NAA11: variants seen among roughly 807,000 people sequenced by gnomAD.
The protein encoded by NAA11 is N-alpha-acetyltransferase 11, NatA catalytic subunit.
Under a neutral mutation model 16.1 loss-of-function variants are expected in NAA11, and 15 were observed. The observed-to-expected ratio is 0.93, with a 90% CI of 0.62 to 1.44. The LOEUF (loss-of-function observed/expected upper bound fraction) is 1.44. Ranked by LOEUF, NAA11 falls within the 40% of genes most tolerant of loss-of-function variation. NAA11 has a pLI of 0.00. For synonymous variants in NAA11, 122 were observed against 112.4 expected, an observed-to-expected ratio of 1.09 and a Z score of -0.54; for missense variants, 298 against 291.3, an observed-to-expected ratio of 1.02 and a Z score of -0.17.
At chr4:79,193,104 A>C in the NAA11 span, among the ~76,000 whole-genome samples, 19 of 151,496 alleles carry the variant, frequency 1.3e-4, no homozygotes, top group Non-Finnish European at 1.5e-4. Flanking sequence ...GTTTGAGTTC[A>C]TTGTAGATTC....
intron 2 of NAA11, among the ~76,000 whole-genome samples, chr4:79,229,611 G>A (rs1401093938): frequency 6.6e-6 from 1 of 151,802 alleles, no homozygotes; most frequent in Admixed American, 6.6e-5. Flanking sequence ...CAGCTTTGAG[G>A]GTTTCAGTGA....
intron 2 of NAA11, among the ~76,000 whole-genome samples, chr4:79,285,311 G>A (rs1241129476): frequency 6.6e-6 from 1 of 152,028 alleles, no homozygotes; most frequent in Non-Finnish European, 1.5e-5. Context: ...TTAAAACTAT[G>A]CAGTGTTTTT....
the NAA11 span, among the ~76,000 whole-genome samples, chr4:79,193,559 G>A: frequency 3.3e-5 from 5 of 152,012 alleles, no homozygotes; most frequent in African/African-American, 1.2e-4. Context: ...TATTTCTGAG[G>A]GCTCTGTTCT....
At chr4:79,312,100 C>T (rs766064597), downstream of NAA11, among the ~76,000 whole-genome samples, 2 of 152,190 alleles carry the variant, frequency 1.3e-5, no homozygotes, top group Admixed American at 6.5e-5. Context: ...GATGCAAAAA[C>T]GTCTTGATTG....
At chr4:79,190,468 TAA>T in the NAA11 span, among the ~76,000 whole-genome samples, 20,134 of 149,978 alleles carry the variant, frequency 0.13, 1,602 homozygotes, top group African/African-American at 0.19. Flanking sequence ...TTTTTTTTTT[TAA>T]AAAAAGCACA....
At chr4:79,175,630 C>G in the NAA11 span, among the ~76,000 whole-genome samples, 1 of 151,636 alleles carries the variant, frequency 6.6e-6, no homozygotes, top group East Asian at 1.9e-4. Flanking sequence ...AGTTTTCAGC[C>G]ATTATCATTT....
the NAA11 span, among the ~76,000 whole-genome samples, chr4:79,205,548 C>G: frequency 2.6e-5 from 4 of 151,742 alleles, no homozygotes; most frequent in African/African-American, 9.7e-5. Context: ...ATATTTTGTC[C>G]CAGTCTGTAA....
intron 2 of NAA11, among the ~76,000 whole-genome samples, chr4:79,293,206 A>G (rs929225944): frequency 5.9e-5 from 9 of 152,186 alleles, no homozygotes; most frequent in African/African-American, 2.2e-4. Flanking sequence ...ACAGGAAAGA[A>G]AAACTTTGGT....
intron 2 of NAA11, among the ~76,000 whole-genome samples, chr4:79,279,151 A>G (rs149243899): frequency 6.6e-6 from 1 of 152,242 alleles, no homozygotes; most frequent in East Asian, 1.9e-4. Context: ...AGCAGTAGGT[A>G]CCCAATAAAT....
the NAA11 span, among the ~76,000 whole-genome samples, chr4:79,205,002 C>G: frequency 1.3e-5 from 2 of 149,602 alleles, no homozygotes; most frequent in African/African-American, 4.9e-5. Flanking sequence ...AAAGAAATTG[C>G]ATATATATGA....
chr4:79,187,938 GC>G, the NAA11 span, among the ~76,000 whole-genome samples: 42 of 134,294 alleles, frequency 3.1e-4, no homozygotes, highest in African/African-American at 1.1e-3. Context: ...GGCGGAGCTT[GC>G]AGTGAGCCGA....
chr4:79,269,708 T>G (rs1323221545), intron 2 of NAA11, among the ~76,000 whole-genome samples: 23 of 143,224 alleles, frequency 1.6e-4, no homozygotes, highest in African/African-American at 4.5e-4. Flanking sequence ...TTAGTTTAAT[T>G]AGATCCCATT....
the NAA11 span, among the ~76,000 whole-genome samples, chr4:79,214,477 A>G: frequency 1.3e-5 from 2 of 152,128 alleles, no homozygotes; most frequent in Non-Finnish European, 2.9e-5. Flanking sequence ...GATTAATGCC[A>G]TTAGTGTGGG....
At chr4:79,157,391 T>G in the NAA11 span, among the ~76,000 whole-genome samples, 1 of 152,108 alleles carries the variant, frequency 6.6e-6, no homozygotes, top group South Asian at 2.1e-4. Context: ...CTTGGAATAT[T>G]AGCCTCCAGT....
chr4:79,189,968 CTA>C, the NAA11 span, among the ~76,000 whole-genome samples: 1 of 152,072 alleles, frequency 6.6e-6, no homozygotes, highest in Admixed American at 6.5e-5. Context: ...TTGCAGAGAA[CTA>C]TAAAAAGTCT....
In NAA11 at chr4:79,325,863, G is replaced by A. The variant is rs745662845; in HGVS notation, c.15C>T (p.Asn5=). 1.9e-6 allele frequency: 3 copies of A among 1,609,078 alleles called. No homozygotes were observed. Among genetic ancestry groups the A allele is most frequent in the Non-Finnish European group, 2.5e-6 (3 of 1,176,970 alleles). The part of the protein sequence containing the change: MNIR[N]AQPDDLMNMQ... ...TATTCATCAGGTCGTCTGGCTGAGCGTTGCGGATGTTCATAATGGCAGAGG... is the reference window on the plus strand; with the variant it reads ...TATTCATCAGGTCGTCTGGCTGAGCATTGCGGATGTTCATAATGGCAGAGG... Residue 5 remains asparagine, a synonymous_variant, in exon 1 of 2, where the codon AAC becomes AAT. Transcript: ENST00000286794.
At chr4:79,302,742 C>T (rs963615719) in intron 1 of NAA11, among the ~76,000 whole-genome samples, 9 of 152,032 alleles carry the variant, frequency 5.9e-5, no homozygotes, top group Non-Finnish European at 1.2e-4. Flanking sequence ...TTGCTTGCCA[C>T]TTAATCTCTT....
chr4:79,211,188 A>G, the NAA11 span, among the ~76,000 whole-genome samples: 1 of 152,202 alleles, frequency 6.6e-6, no homozygotes, highest in Non-Finnish European at 1.5e-5. Flanking sequence ...GACTGAGGGA[A>G]AAGAGGTAGT....
At chr4:79,181,867 A>G in the NAA11 span, among the ~76,000 whole-genome samples, 6 of 152,218 alleles carry the variant, frequency 3.9e-5, no homozygotes, top group East Asian at 9.6e-4. Context: ...TTAAAAATGT[A>G]GTTCTGTTGA....
Sources: gnomAD v4.1 joint callset for allele counts (sites outside exome capture counted in the v4.1 genomes callset) on GRCh38, gnomAD v4.1.1 for gene constraint, MANE v1.5 for transcripts, NCBI Gene and HGNC (gene_info 2026-07-23, HGNC 2026-07-21) for gene names.